WWOX: variants seen among roughly 807,000 people sequenced by gnomAD.
The protein encoded by WWOX is WW domain-containing oxidoreductase.
WWOX carries 69 observed loss-of-function variants against 46.2 expected under a neutral mutation model. That is an observed-to-expected ratio of 1.49 (90% CI 1.23 to 1.82). The LOEUF (loss-of-function observed/expected upper bound fraction) is 1.82, where lower values mean the gene tolerates loss of function less well. Among genes scored for constraint, WWOX ranks in the 40% most tolerant of loss-of-function variants. The pLI is 0.00. For synonymous variants in WWOX, 359 were observed against 202.6 expected (o/e 1.77, Z -6.56); for missense variants, 919 against 542.6 (o/e 1.69, Z -6.89).
chr16:78,810,372 T>A (rs1167642496), intron 8 of WWOX, among the ~76,000 whole-genome samples: 1 of 152,220 alleles, frequency 6.6e-6, no homozygotes, highest in Admixed American at 6.5e-5. Flanking sequence ...TGTGGACACA[T>A]GCAGCCACAC....
intron 5 of WWOX, among the ~76,000 whole-genome samples, chr16:78,175,675 C>G (rs1597310750): frequency 6.6e-6 from 1 of 152,214 alleles, no homozygotes; most frequent in East Asian, 1.9e-4. Flanking sequence ...CTGGCTGATT[C>G]ATGTCATGAG....
At chr16:78,130,531 A>C (rs368243947) in intron 4 of WWOX, among the ~76,000 whole-genome samples, 5 of 152,242 alleles carry the variant, frequency 3.3e-5, no homozygotes, top group African/African-American at 1.2e-4. Flanking sequence ...ATGTCTATCA[A>C]GGAACATAGT....
chr16:79,019,281 T>C (rs139794373), intron 8 of WWOX, among the ~76,000 whole-genome samples: 4 of 151,310 alleles, frequency 2.6e-5, no homozygotes, highest in African/African-American at 7.3e-5. Flanking sequence ...GTTTCATCAT[T>C]GTGGAACATC....
intron 8 of WWOX, among the ~76,000 whole-genome samples, chr16:78,476,278 A>G (rs2084346520): frequency 6.6e-6 from 1 of 152,194 alleles, no homozygotes; most frequent in Non-Finnish European, 1.5e-5. Flanking sequence ...TCTTCTTTTG[A>G]GAAGTGTCTG....
At chr16:78,622,241 T>C (rs988312011) in intron 8 of WWOX, among the ~76,000 whole-genome samples, 26 of 152,258 alleles carry the variant, frequency 1.7e-4, no homozygotes, top group Non-Finnish European at 2.5e-4. Flanking sequence ...GACCCTACTC[T>C]GATAAAAGTG....
At chr16:78,751,945 G>C (rs2049491666) in intron 8 of WWOX, among the ~76,000 whole-genome samples, 1 of 152,162 alleles carries the variant, frequency 6.6e-6, no homozygotes, top group African/African-American at 2.4e-5. Context: ...CTTTCTTCTG[G>C]TGCCTCCACG....
chr16:78,466,814 C>G (rs2084089278), intron 8 of WWOX, among the ~76,000 whole-genome samples: 1 of 152,142 alleles, frequency 6.6e-6, no homozygotes, highest in Non-Finnish European at 1.5e-5. Context: ...CACCTCTGCA[C>G]TCCAGCGTGG....
chr16:78,386,656 A>G (rs2082067617), intron 5 of WWOX, among the ~76,000 whole-genome samples: 1 of 68,406 alleles, frequency 1.5e-5, no homozygotes, highest in Non-Finnish European at 2.7e-5. Context: ...CTGTAGGTTT[A>G]GCAGAATCCC....
intron 8 of WWOX, among the ~76,000 whole-genome samples, chr16:78,688,632 C>A (rs2047916502): frequency 6.6e-6 from 1 of 152,108 alleles, no homozygotes; most frequent in Non-Finnish European, 1.5e-5. Context: ...AAATTTTCCC[C>A]CAAGGGATAA....
At chr16:79,124,801 G>A (rs8045079) in intron 8 of WWOX, among the ~76,000 whole-genome samples, 59,264 of 151,994 alleles carry the variant, frequency 0.39, 11,777 homozygotes, top group South Asian at 0.52. Context: ...CTTTATAAAA[G>A]TATAAACCAA....
intron 8 of WWOX, among the ~76,000 whole-genome samples, chr16:78,810,661 T>C (rs1392164871): frequency 1.3e-5 from 2 of 152,226 alleles, no homozygotes; most frequent in African/African-American, 4.8e-5. Flanking sequence ...GTTCTAATTG[T>C]TAAGCCTGCC....
chr16:78,798,403 T>A (rs963077603), intron 8 of WWOX, among the ~76,000 whole-genome samples: 1 of 152,088 alleles, frequency 6.6e-6, no homozygotes, highest in East Asian at 1.9e-4. Flanking sequence ...CATCGACAAA[T>A]GAAAAAACTG....
chr16:78,778,239 C>T (rs1274698910), intron 8 of WWOX, among the ~76,000 whole-genome samples: 2 of 152,038 alleles, frequency 1.3e-5, no homozygotes, highest in Non-Finnish European at 2.9e-5. Flanking sequence ...AATAACCTCC[C>T]ATCCCCTGTG....
chr16:78,769,728 C>A (rs1219864786), intron 8 of WWOX, among the ~76,000 whole-genome samples: 4 of 151,404 alleles, frequency 2.6e-5, no homozygotes, highest in African/African-American at 9.7e-5. Flanking sequence ...TCAGGCCGAG[C>A]ACAGTGACTC....
At chr16:79,066,111 T>G (rs1339765222) in intron 8 of WWOX, among the ~76,000 whole-genome samples, 1 of 152,218 alleles carries the variant, frequency 6.6e-6, no homozygotes, top group Non-Finnish European at 1.5e-5. Flanking sequence ...CTGCTTTTTC[T>G]TTTTGTGCAC....
At chr16:78,765,204 T>A (rs1361318065) in intron 8 of WWOX, among the ~76,000 whole-genome samples, 1 of 152,102 alleles carries the variant, frequency 6.6e-6, no homozygotes, top group Non-Finnish European at 1.5e-5. Flanking sequence ...AACAAAGGCA[T>A]CCCTGGCAGA....
At chr16:78,516,652 T>C (rs2043242020) in intron 8 of WWOX, among the ~76,000 whole-genome samples, 1 of 152,202 alleles carries the variant, frequency 6.6e-6, no homozygotes, top group Non-Finnish European at 1.5e-5. Flanking sequence ...TATTCCTCTG[T>C]ACCCTTCACA....
At chr16:78,979,113 C>G (rs2046630685) in intron 8 of WWOX, among the ~76,000 whole-genome samples, 1 of 147,846 alleles carries the variant, frequency 6.8e-6, no homozygotes, top group South Asian at 2.1e-4. Flanking sequence ...TATACAGACA[C>G]AGGAAGTATA....
intron 8 of WWOX, among the ~76,000 whole-genome samples, chr16:78,821,148 T>G (rs2051482262): frequency 6.6e-6 from 1 of 152,200 alleles, no homozygotes; most frequent in South Asian, 2.1e-4. Flanking sequence ...GTGTGCTTTC[T>G]CTTGGCCTTT....
Sources: allele counts gnomAD v4.1 joint callset (sites outside exome capture counted in the v4.1 genomes callset), GRCh38; gene constraint gnomAD v4.1.1; transcripts MANE v1.5; gene names NCBI Gene and HGNC (gene_info 2026-07-23, HGNC 2026-07-21).